The following SORCS1 variants were observed in gnomAD, a reference collection of about 807,000 sequenced individuals.
The protein encoded by SORCS1 is sortilin related VPS10 domain containing receptor 1.
SORCS1 carries 60 observed loss-of-function variants against 146.1 expected under a neutral mutation model. That is an observed-to-expected ratio of 0.41 (90% CI 0.33 to 0.51). The LOEUF (loss-of-function observed/expected upper bound fraction) is 0.51, where lower values mean the gene tolerates loss of function less well. Among genes scored for constraint, SORCS1 ranks in the 20% least tolerant of loss-of-function variants. The probability of loss-of-function intolerance (pLI) is 0.21; values close to 1 mark genes in which losing one functional copy is unlikely to be tolerated. For synonymous variants in SORCS1, 637 were observed against 584.0 expected (o/e 1.09, Z -1.31); for missense variants, 1,352 against 1,487.6 (o/e 0.91, Z 1.50).
upstream of SORCS1, among the ~76,000 whole-genome samples, chr10:107,168,666 CTTTTTTTTT>C (rs57998261): frequency 5.9e-5 from 7 of 119,272 alleles, no homozygotes; most frequent in South Asian, 1.7e-3. Flanking sequence ...CAGCTCATGC[CTTTTTTTTT>C]TTTTTTTTTT....
intron 1 of SORCS1, among the ~76,000 whole-genome samples, chr10:106,974,087 T>C (rs1955899597): frequency 6.6e-6 from 1 of 152,212 alleles, no homozygotes; most frequent in Non-Finnish European, 1.5e-5. Context: ...ACATTTGATG[T>C]TATGACTAGC....
At chr10:106,775,780 G>T (rs1457249394) in intron 4 of SORCS1, among the ~76,000 whole-genome samples, 1 of 152,090 alleles carries the variant, frequency 6.6e-6, no homozygotes, top group Non-Finnish European at 1.5e-5. Flanking sequence ...TGTAAATGCT[G>T]TTTCTTTTCA....
chr10:107,082,291 T>C (rs1056133945), intron 1 of SORCS1, among the ~76,000 whole-genome samples: 6 of 152,152 alleles, frequency 3.9e-5, no homozygotes, highest in African/African-American at 1.4e-4. Flanking sequence ...TCCTACTCTT[T>C]AAGAGGAGAT....
At chr10:107,044,563 C>T (rs1381399073) in intron 1 of SORCS1, among the ~76,000 whole-genome samples, 6 of 143,962 alleles carry the variant, frequency 4.2e-5, no homozygotes, top group African/African-American at 7.7e-5. Flanking sequence ...GTGGCTCACA[C>T]CTGTAATCCT....
At chr10:107,069,838 A>G (rs1590064862) in intron 1 of SORCS1, among the ~76,000 whole-genome samples, 1 of 152,364 alleles carries the variant, frequency 6.6e-6, no homozygotes, top group Non-Finnish European at 1.5e-5. Context: ...TATAATTCAC[A>G]TATCCTAAAT....
At chr10:107,109,853 G>C (rs867949529) in intron 1 of SORCS1, among the ~76,000 whole-genome samples, 42 of 152,142 alleles carry the variant, frequency 2.8e-4, no homozygotes, top group African/African-American at 9.9e-4. Flanking sequence ...GCATCTGATA[G>C]GTAGGCTATT....
At chr10:106,972,238 C>T (rs1049172636) in intron 1 of SORCS1, among the ~76,000 whole-genome samples, 6 of 151,694 alleles carry the variant, frequency 4.0e-5, no homozygotes, top group African/African-American at 1.5e-4. Context: ...AAAAATTAGC[C>T]GGGCATGGTG....
chr10:107,161,869 G>C (rs1969735536), intron 1 of SORCS1, among the ~76,000 whole-genome samples: 1 of 152,184 alleles, frequency 6.6e-6, no homozygotes, highest in East Asian at 1.9e-4. Flanking sequence ...ACACCTTTGT[G>C]TGTGATGACC....
At chr10:106,809,042 C>T (rs1312736973) in intron 3 of SORCS1, among the ~76,000 whole-genome samples, 1 of 152,072 alleles carries the variant, frequency 6.6e-6, no homozygotes, top group South Asian at 2.1e-4. Context: ...GTAAAGTAAA[C>T]AAGACATGGG....
intron 6 of SORCS1, among the ~76,000 whole-genome samples, chr10:106,712,518 C>A (rs924023710): frequency 3.3e-5 from 5 of 152,182 alleles, no homozygotes; most frequent in African/African-American, 1.2e-4. Context: ...GCATAAACAT[C>A]ATGTTCTATG....
intron 2 of SORCS1, among the ~76,000 whole-genome samples, chr10:106,861,118 C>G (rs1172660275): frequency 6.6e-6 from 1 of 152,112 alleles, no homozygotes; most frequent in African/African-American, 2.4e-5. Flanking sequence ...CAAAAATAGG[C>G]CAGGTGCAGT....
rs76274024 is a variant in SORCS1 at position 106,946,831 on chromosome 10, T to C, written c.626+9682A>G. Among the ~76,000 whole-genome samples the C allele has an allele frequency of 6.6e-5, 10 of 152,326 alleles. No individual in the cohort carries two copies. In the East Asian group the frequency reaches 1.9e-3, roughly 29 times the overall value. On this transcript the variant is annotated intron_variant, in intron 2 of 25. Coordinates refer to ENST00000263054, the MANE Select transcript of SORCS1 (RefSeq NM_052918.5). ...AGGAACAATTATTTACTTATATGCTTATTCCCACTGACTATCTAGTACACT... is the reference window on the plus strand; with the variant it reads ...AGGAACAATTATTTACTTATATGCTCATTCCCACTGACTATCTAGTACACT...
chr10:106,636,800 C>A (rs1037779073), intron 18 of SORCS1, among the ~76,000 whole-genome samples: 1 of 152,198 alleles, frequency 6.6e-6, no homozygotes, highest in South Asian at 2.1e-4. Flanking sequence ...CCTAGAGTCA[C>A]AAGACTAGTT....
intron 1 of SORCS1, among the ~76,000 whole-genome samples, chr10:107,069,332 C>CATTTTA (rs1337662682): frequency 1.3e-5 from 2 of 152,162 alleles, no homozygotes; most frequent in African/African-American, 4.8e-5. Context: ...CTGCAGACTA[C>CATTTTA]ATTTTAAAAA....
chr10:106,703,904 T>C (rs1282582459), intron 8 of SORCS1, among the ~76,000 whole-genome samples: 1 of 152,244 alleles, frequency 6.6e-6, no homozygotes, highest in Non-Finnish European at 1.5e-5. Context: ...CTATTTTTTC[T>C]GGGAACAAGC....
At chr10:106,712,242 G>T (rs1378541993) in intron 6 of SORCS1, among the ~76,000 whole-genome samples, 1 of 152,130 alleles carries the variant, frequency 6.6e-6, no homozygotes, top group Non-Finnish European at 1.5e-5. Flanking sequence ...ACAATGTGTG[G>T]GAAAATAGGA....
intron 3 of SORCS1, among the ~76,000 whole-genome samples, chr10:106,809,264 G>A (rs1170706684): frequency 3.9e-5 from 6 of 151,976 alleles, no homozygotes; most frequent in Non-Finnish European, 8.8e-5. Flanking sequence ...TAAAAGTCTC[G>A]AAGTTCTTAG....
intron 5 of SORCS1, among the ~76,000 whole-genome samples, chr10:106,732,443 G>T (rs1188964107): frequency 6.6e-6 from 1 of 152,154 alleles, no homozygotes; most frequent in Non-Finnish European, 1.5e-5. Flanking sequence ...CAAGTCATGA[G>T]CATTAAAAAA....
At chr10:107,073,453 T>C (rs890475036) in intron 1 of SORCS1, among the ~76,000 whole-genome samples, 7 of 152,146 alleles carry the variant, frequency 4.6e-5, no homozygotes, top group Non-Finnish European at 1.0e-4. Context: ...GATTCTACCA[T>C]CTAATTGAGT....
Sources: gnomAD v4.1 joint callset for allele counts (sites outside exome capture counted in the v4.1 genomes callset) on GRCh38, gnomAD v4.1.1 for gene constraint, MANE v1.5 for transcripts, NCBI Gene and HGNC (gene_info 2026-07-23, HGNC 2026-07-21) for gene names.